Variants in CTNND2 observed in about 807,000 individuals in gnomAD.
The protein encoded by CTNND2 is catenin delta 2, also known as catenin delta-2.
A neutral mutation model predicts 144.4 loss-of-function variants in CTNND2; 22 were observed. That is an observed-to-expected ratio of 0.15 (90% CI 0.11 to 0.22). CTNND2 has a LOEUF of 0.22. Among genes scored for constraint, CTNND2 ranks in the 10% least tolerant of loss-of-function variants. CTNND2 has a pLI of 1.00. For missense variants in CTNND2, 1,353 were observed against 1,618.8 expected (o/e 0.84, Z 2.82); for synonymous variants, 751 against 695.6 (o/e 1.08, Z -1.25).
At chr5:11,516,791 T>C (rs755214876) in intron 3 of CTNND2, among the ~76,000 whole-genome samples, 2 of 152,180 alleles carry the variant, frequency 1.3e-5, no homozygotes, top group Non-Finnish European at 2.9e-5. Flanking sequence ...AGATTTCAGG[T>C]GTTCTTTTGT....
At position 11,215,110 on chromosome 5, in the gene CTNND2, C is replaced by T. The variant is rs75421674; in HGVS notation, c.1762-15449G>A. Among the ~76,000 whole-genome samples, 1,433 of 152,238 alleles carry T rather than the reference C, an allele frequency of 9.4e-3. 6 individuals are homozygous for T. Among genetic ancestry groups the T allele is most frequent in the Non-Finnish European group, 0.016 (1,056 of 68,018 alleles). ...ATCCATGTCATCTTTAGACTGAGCG[C>T]AGTTTTGACTACTGACTTTGAACTT... On this transcript the variant is annotated intron_variant, in intron 10 of 21. Transcript: ENST00000304623.
At chr5:11,240,016 G>A (rs1742048134) in intron 9 of CTNND2, among the ~76,000 whole-genome samples, 1 of 152,080 alleles carries the variant, frequency 6.6e-6, no homozygotes, top group Non-Finnish European at 1.5e-5. Context: ...AGGTGCTAAC[G>A]AATGAAGAAA....
At chr5:11,482,901 A>T (rs1027833498) in intron 3 of CTNND2, among the ~76,000 whole-genome samples, 4 of 152,008 alleles carry the variant, frequency 2.6e-5, no homozygotes, top group Non-Finnish European at 5.9e-5. Context: ...AGTTGGTGTG[A>T]GAGGGTCAGC....
intron 8 of CTNND2, among the ~76,000 whole-genome samples, chr5:11,353,312 C>T (rs1402015010): frequency 6.6e-6 from 1 of 152,168 alleles, no homozygotes; most frequent in Non-Finnish European, 1.5e-5. Flanking sequence ...TGAAATGTAG[C>T]AGTGGACTCC....
At chr5:11,441,751 C>A (rs183778584) in intron 3 of CTNND2, among the ~76,000 whole-genome samples, 21 of 151,512 alleles carry the variant, frequency 1.4e-4, no homozygotes, top group Non-Finnish European at 2.4e-4. Context: ...AGCTCCTGGG[C>A]AGTTTCTCAG....
At chr5:11,507,960 T>C (rs1042160767) in intron 3 of CTNND2, among the ~76,000 whole-genome samples, 1 of 149,788 alleles carries the variant, frequency 6.7e-6, no homozygotes, top group Non-Finnish European at 1.5e-5. Context: ...GCTCGTGTTG[T>C]GAGGCTTTGG....
chr5:11,543,544 C>G (rs796152589), intron 3 of CTNND2, among the ~76,000 whole-genome samples: 18 of 152,006 alleles, frequency 1.2e-4, no homozygotes, highest in African/African-American at 4.3e-4. Flanking sequence ...TGTTAAAAGC[C>G]GTAAGTACAT....
chr5:10,984,702 T>C (rs1445470100), intron 20 of CTNND2, among the ~76,000 whole-genome samples: 1 of 152,166 alleles, frequency 6.6e-6, no homozygotes, highest in East Asian at 1.9e-4. Flanking sequence ...CACAGAAGAA[T>C]GCCTTTCTAT....
At chr5:11,072,738 C>T (rs1748466842) in intron 16 of CTNND2, among the ~76,000 whole-genome samples, 2 of 152,228 alleles carry the variant, frequency 1.3e-5, no homozygotes, top group Admixed American at 6.5e-5. Flanking sequence ...CTGCTCATGC[C>T]AGGTCACAGA....
chr5:11,039,556 AT>A (rs1320700240), intron 16 of CTNND2, among the ~76,000 whole-genome samples: 2 of 152,098 alleles, frequency 1.3e-5, no homozygotes, highest in African/African-American at 4.8e-5. Context: ...AGATGCCTTG[AT>A]TTTTTTAAAA....
At position 11,425,865 on chromosome 5, in the gene CTNND2, G is replaced by A. The variant is rs1762733902; in HGVS notation, c.288-13796C>T. On this transcript the variant is annotated intron_variant, in intron 3 of 21. Coordinates refer to ENST00000304623, the MANE Select transcript of CTNND2 (RefSeq NM_001332.4). The stretch of plus-strand genomic sequence containing the variant: ...GTTGGGCTCTCCTGAGATCTTCCAT[G>A]ATCTTCCTTGGAGAGTGCAGTTCTA... Among the ~76,000 whole-genome samples the A allele has an allele frequency of 3.9e-5, 6 of 152,238 alleles. 1 individual carries two copies. The South Asian group carries it at 1.0e-3, about 26-fold the overall frequency.
intron 11 of CTNND2, among the ~76,000 whole-genome samples, chr5:11,168,106 C>A (rs1216422928): frequency 6.6e-6 from 1 of 152,060 alleles, no homozygotes; most frequent in African/African-American, 2.4e-5. Context: ...AGACAAAAGA[C>A]TATAATTGAC....
intron 3 of CTNND2, among the ~76,000 whole-genome samples, chr5:11,446,934 C>T (rs561642037): frequency 3.3e-5 from 5 of 152,218 alleles, no homozygotes; most frequent in Middle Eastern, 3.4e-3. Flanking sequence ...AACTTTACTG[C>T]TCCTCTCAAC....
intron 2 of CTNND2, among the ~76,000 whole-genome samples, chr5:11,690,671 G>A (rs1350321582): frequency 6.8e-6 from 1 of 147,252 alleles, no homozygotes; most frequent in East Asian, 2.1e-4. Flanking sequence ...GGGAAGTGGA[G>A]CTTGCAGTGA....
chr5:11,292,520 T>C (rs1190813824), intron 9 of CTNND2, among the ~76,000 whole-genome samples: 1 of 152,174 alleles, frequency 6.6e-6, no homozygotes, highest in Admixed American at 6.5e-5. Flanking sequence ...TCCCGTGCTG[T>C]TCTCATGATA....
At chr5:11,296,387 A>C (rs547757680) in intron 9 of CTNND2, among the ~76,000 whole-genome samples, 32 of 152,316 alleles carry the variant, frequency 2.1e-4, no homozygotes, top group African/African-American at 7.7e-4. Context: ...TGTTGGTGGG[A>C]CTGTAAACTA....
rs1432090965 is a variant in CTNND2, at chr5:11,903,866, G to T, written c.-13C>A. 2 of 1,476,874 alleles carry T rather than the reference G, an allele frequency of 1.4e-6. No individual in the cohort carries two copies. The highest frequency in any genetic ancestry group is 8.9e-7 in the Non-Finnish European group (1 of 1,119,470). 91.5% of individuals were successfully genotyped at this position (1,476,874 alleles called of 1,614,324 possible). On this transcript the variant is annotated 5_prime_UTR_variant, in exon 1 of 22. Coordinates refer to ENST00000304623, the MANE Select transcript of CTNND2 (RefSeq NM_001332.4). The surrounding 1 kb of genome is among the most constrained non-coding windows in gnomAD (Gnocchi z 5.4). ...TCCTCGCAAACATGCACCCTCCGCCGGCGACAGCTCCTCAGTCCGGGAAGA... is the reference window on the plus strand; with the variant it reads ...TCCTCGCAAACATGCACCCTCCGCCTGCGACAGCTCCTCAGTCCGGGAAGA...
intron 1 of CTNND2, among the ~76,000 whole-genome samples, chr5:11,765,074 A>G (rs1432393507): frequency 6.7e-6 from 1 of 150,324 alleles, no homozygotes; most frequent in African/African-American, 2.5e-5. Context: ...CATAGAGAAA[A>G]TGTTTATGAG....
At chr5:11,665,655 T>C (rs1384663557) in intron 2 of CTNND2, among the ~76,000 whole-genome samples, 1 of 152,194 alleles carries the variant, frequency 6.6e-6, no homozygotes, top group Non-Finnish European at 1.5e-5. Context: ...GTCTTATATA[T>C]TCAATAGAAA....
Sources: allele counts gnomAD v4.1 joint callset (sites outside exome capture counted in the v4.1 genomes callset), GRCh38; gene constraint gnomAD v4.1.1; non-coding constraint Gnocchi (gnomAD v3.1); transcripts MANE v1.5; gene names NCBI Gene and HGNC (gene_info 2026-07-23, HGNC 2026-07-21).